Variants in LPA observed in about 807,000 individuals in gnomAD.
LPA encodes the protein apolipoprotein(a).
A neutral mutation model predicts 197.9 loss-of-function variants in LPA; 199 were observed. That is an observed-to-expected ratio of 1.01 (90% CI 0.90 to 1.13). The LOEUF is 1.13. Ranked by LOEUF, LPA falls within the 50% of genes most tolerant of loss-of-function variation. The pLI is 0.00. For synonymous variants in LPA, 715 were observed against 639.5 expected (o/e 1.12, Z -1.78); for missense variants, 1,853 against 1,785.8 (o/e 1.04, Z -0.68).
chr6:160,605,054 G>T lies in LPA; in HGVS notation c.2937C>A (p.Tyr979Ter). The change falls in exon 18 of 39, where the codon TAC (tyrosine) becomes TAA (stop). Residue 979 changes from tyrosine (Y) to a stop codon, truncating the protein, a stop_gained. Coordinates refer to ENST00000316300, the MANE Select transcript of LPA (RefSeq NM_005577.4). LOFTEE classifies it high-confidence loss of function. ...PHSHSRTPAY[Y>*]PNAGLIKNYC... ...AAAGAAAATAGACATACGCATTTGG[G>T]TAGTATGCTGGGGTCCGACTATGCG... is the stretch of plus-strand genomic sequence containing the variant. The T allele has an allele frequency of 1.9e-6, 3 of 1,613,700 alleles. No individual in the cohort carries two copies. Among genetic ancestry groups the T allele is most frequent in the Non-Finnish European group, 1.7e-6 (2 of 1,179,762 alleles).
At chr6:160,593,224 G>T (rs2115046436) in intron 22 of LPA, among the ~76,000 whole-genome samples, 1 of 152,250 alleles carries the variant, frequency 6.6e-6, no homozygotes, top group Admixed American at 6.5e-5. Flanking sequence ...AAGGAAGGAT[G>T]CCAGGGACAT....
chr6:160,532,384 A>C, intron 38 of LPA, 147 bp downstream of exon 38: 2 of 735,516 alleles, frequency 2.7e-6, no homozygotes, highest in Non-Finnish European at 2.5e-6. Flanking sequence ...GCATTCAGGG[A>C]CAGATCTGGG....
chr6:160,545,916 T>G (rs1034970058), intron 32 of LPA, among the ~76,000 whole-genome samples: 3 of 152,192 alleles, frequency 2.0e-5, no homozygotes, highest in Non-Finnish European at 4.4e-5. Flanking sequence ...TGTTTGCTGT[T>G]GATTCAGAAA....
intron 28 of LPA, among the ~76,000 whole-genome samples, chr6:160,564,836 C>G (rs953869301): frequency 1.3e-5 from 2 of 152,248 alleles, no homozygotes; most frequent in African/African-American, 4.8e-5. Context: ...AAACGGCACA[C>G]CAGGAGATTA....
At chr6:160,583,011 TC>T (rs1227919623) in intron 26 of LPA, among the ~76,000 whole-genome samples, 2 of 152,244 alleles carry the variant, frequency 1.3e-5, no homozygotes, top group African/African-American at 2.4e-5. Flanking sequence ...GTCTTTTTTT[TC>T]AGTTCTTGAC....
Position 160,542,806 on chromosome 6 carries a change from A to T in LPA, c.5401T>A (p.Ser1801Thr). ...GGCTTCCCACAATCAAATGAAGAGG[A>T]TGCTGTGGCACAAGGTGGGAAAAGA... ...FDYCDIPLCASSSFDCGKPQV... is the reference protein window; with the variant it reads ...FDYCDIPLCATSSFDCGKPQV... Residue 1801 changes from serine (S) to threonine (T), a missense_variant and splice_region_variant, in exon 34 of 39, where the codon TCC becomes ACC. Physicochemically the swap from Ser to Thr is moderately conservative, Grantham distance 58. Around this residue, in one of 3 missense-constraint regions of LPA, gnomAD observed 1,737 missense variants for 1,504.4 expected, o/e 1.15. Transcript: ENST00000316300. 1 of 1,614,022 alleles carries T rather than the reference A, an allele frequency of 6.2e-7. No individual in the cohort carries two copies. The highest frequency in any genetic ancestry group is 8.5e-7 in the Non-Finnish European group (1 of 1,179,924).
chr6:160,658,046 G>A (rs947476203), intron 1 of LPA, among the ~76,000 whole-genome samples: 10 of 152,110 alleles, frequency 6.6e-5, no homozygotes, highest in African/African-American at 2.4e-4. Flanking sequence ...CTGCCTCAGG[G>A]AAGGCCATCA....
intron 28 of LPA, among the ~76,000 whole-genome samples, chr6:160,574,494 C>A (rs1257564206): frequency 6.6e-6 from 1 of 152,022 alleles, no homozygotes; most frequent in Non-Finnish European, 1.5e-5. Context: ...CCCTCTGTTC[C>A]TTTGGCCACA....
intron 35 of LPA, 82 bp downstream of exon 35, chr6:160,541,025 G>A (rs1777972876): frequency 2.6e-6 from 3 of 1,167,474 alleles, no homozygotes; most frequent in Non-Finnish European, 3.9e-6. Context: ...GGGGAGGGTG[G>A]GAAGAAAGAA....
At chr6:160,575,590 A>G (rs889446747) in intron 28 of LPA, among the ~76,000 whole-genome samples, 2 of 152,182 alleles carry the variant, frequency 1.3e-5, no homozygotes, top group African/African-American at 2.4e-5. Flanking sequence ...TTTGTGGAGT[A>G]GATTTTGCTC....
Position 160,662,164 on chromosome 6 carries a change from G to A in LPA, c.49+2002C>T, listed in dbSNP as rs867036499. Among the ~76,000 whole-genome samples the A allele has an allele frequency of 1.6e-4, 25 of 152,222 alleles. 1 individual carries two copies. Among genetic ancestry groups the A allele is most frequent in the Middle Eastern group, 6.8e-3 (2 of 294 alleles). Reference sequence around the variant, plus strand: ...TCACCTCCAGGGCTCATATGGCAATGGGGATTTAATAGGGTTTATTTGTTG... The same window carrying A: ...TCACCTCCAGGGCTCATATGGCAATAGGGATTTAATAGGGTTTATTTGTTG... On this transcript the variant is annotated intron_variant, in intron 1 of 38. Transcript: ENST00000316300.
At chr6:160,561,524 C>G (rs78340775) in intron 28 of LPA, among the ~76,000 whole-genome samples, 1 of 152,092 alleles carries the variant, frequency 6.6e-6, no homozygotes, top group Non-Finnish European at 1.5e-5. Context: ...CAGCTTTGTT[C>G]TTTTTGCTTA....
chr6:160,532,078 C>A (rs1419329322), intron 38 of LPA, among the ~76,000 whole-genome samples, 188 bp from the exon 39 acceptor site: 1 of 152,194 alleles, frequency 6.6e-6, no homozygotes, highest in East Asian at 1.9e-4. Flanking sequence ...AAAACCACAT[C>A]ACTTAGTTTT....
chr6:160,635,581 G>A lies in LPA; in HGVS notation c.894-277C>T, dbSNP rs1779801251. 2.4e-5 allele frequency among the ~76,000 whole-genome samples: 3 copies of A among 124,330 alleles called. 1 individual carries two copies. The highest frequency in any genetic ancestry group is 2.5e-4 in the South Asian group (1 of 4,070). 81.6% of individuals were successfully genotyped at this position (124,330 alleles called of 152,430 possible). On this transcript the variant is annotated intron_variant, in intron 6 of 38. Coordinates refer to ENST00000316300, the MANE Select transcript of LPA (RefSeq NM_005577.4). ...ACTGAGATAACACACACACGTGGCC[G>A]AAAAACGATCAGAGTATTCTCCTTC... is the stretch of plus-strand genomic sequence containing the variant.
intron 37 of LPA, among the ~76,000 whole-genome samples, 185 bp from the exon 38 acceptor site, chr6:160,532,834 G>A (rs1354645351): frequency 2.6e-5 from 4 of 152,168 alleles, no homozygotes; most frequent in South Asian, 2.1e-4. Flanking sequence ...AAGATTTTAT[G>A]TTCCCAAGAC....
chr6:160,651,909 T>G (rs1178255542), intron 1 of LPA, among the ~76,000 whole-genome samples: 1 of 151,972 alleles, frequency 6.6e-6, no homozygotes, highest in Non-Finnish European at 1.5e-5. Context: ...ATTCTCTGAA[T>G]GCACTGAGGA....
chr6:160,573,350 T>C (rs1778596934), intron 28 of LPA, among the ~76,000 whole-genome samples: 1 of 152,166 alleles, frequency 6.6e-6, no homozygotes, highest in Non-Finnish European at 1.5e-5. Context: ...TATACCTTTT[T>C]TTTTTTGGAT....
intron 30 of LPA, among the ~76,000 whole-genome samples, chr6:160,553,262 G>T (rs892108225): frequency 2.0e-5 from 3 of 151,964 alleles, no homozygotes; most frequent in African/African-American, 7.2e-5. Flanking sequence ...ATTGCCATTT[G>T]CCATTTCCAG....
Position 160,540,167 on chromosome 6 carries a change from A to T in LPA, c.5611T>A (p.Ser1871Thr), listed in dbSNP as rs756443521. ...HCLKKSSRPS[S>T]YKVILGAHQE... The stretch of plus-strand genomic sequence containing the variant: ...TGTGCACCCAGGATGACCTTGTAGG[A>T]TGAAGGCCTTGAGGACCTAGAAAAG... Residue 1871 changes from serine to threonine, a missense_variant, in exon 36 of 39, where the codon TCC becomes ACC. Ser to Thr is a moderately conservative substitution (Grantham distance 58, BLOSUM62 1). Transcript: ENST00000316300. 3 of 1,614,052 alleles carry T rather than the reference A, an allele frequency of 1.9e-6. No homozygotes were observed. Among genetic ancestry groups the T allele is most frequent in the Non-Finnish European group, 2.5e-6 (3 of 1,180,034 alleles).
Sources: gnomAD v4.1 joint callset for allele counts (sites outside exome capture counted in the v4.1 genomes callset) on GRCh38, gnomAD v4.1.1 for gene constraint, gnomAD v4.1.1 regional missense constraint, MANE v1.5 for transcripts, NCBI Gene and HGNC (gene_info 2026-07-23, HGNC 2026-07-21) for gene names.